Variants in PCDHA10 observed in about 807,000 individuals in gnomAD.
PCDHA10 encodes the protein protocadherin alpha-10.
Under a neutral mutation model 61.2 loss-of-function variants are expected in PCDHA10, and 45 were observed. The observed-to-expected ratio is 0.74, with a 90% CI of 0.58 to 0.94. The LOEUF (loss-of-function observed/expected upper bound fraction) is 0.94. PCDHA10 is among the 40% of genes least tolerant of loss of function. The probability of loss-of-function intolerance (pLI) is 0.00; values close to 1 mark genes in which losing one functional copy is unlikely to be tolerated. For missense variants in PCDHA10, 1,278 were observed against 1,236.2 expected, an observed-to-expected ratio of 1.03 and a Z score of -0.51; for synonymous variants, 602 against 548.8, an observed-to-expected ratio of 1.10 and a Z score of -1.35.
rs1554178111 is a variant in PCDHA10 at position 140,883,417 on chromosome 5, A to G, written c.2388+24981A>G. On this transcript the variant is annotated intron_variant, in intron 1 of 3. Transcript: ENST00000307360. Reference sequence around the variant, plus strand: ...CCGATCGTGACTCTGGCTCAAATGGACAGGTCACCTGCACCTTGACGCCGC... The same window carrying G: ...CCGATCGTGACTCTGGCTCAAATGGGCAGGTCACCTGCACCTTGACGCCGC... 3.1e-6 allele frequency: 5 copies of G among 1,614,146 alleles called. No homozygotes were observed. The South Asian group carries it at 5.5e-5, about 18-fold the overall frequency.
At chr5:140,983,461 A>G (rs1291305158) in intron 3 of PCDHA10, among the ~76,000 whole-genome samples, 1 of 152,238 alleles carries the variant, frequency 6.6e-6, no homozygotes, top group Non-Finnish European at 1.5e-5. Flanking sequence ...TTAATAGAAC[A>G]TCATGATGAT....
At position 140,944,693 on chromosome 5, in the gene PCDHA10, G is replaced by A. The variant is rs191002677; in HGVS notation, c.2389-34256G>A. 1.7e-3 allele frequency among the ~76,000 whole-genome samples: 252 copies of A among 152,248 alleles called. No homozygotes were observed. In the Middle Eastern group the frequency reaches 0.017, roughly 10 times the overall value. On this transcript the variant is annotated intron_variant, in intron 1 of 3. Coordinates refer to ENST00000307360, the MANE Select transcript of PCDHA10 (RefSeq NM_018901.4). ...TATTCTGTGTATCCTATTAATAACA[G>A]TAATTATCAGGTTATTTTGCCTTTG...
intron 1 of PCDHA10, among the ~76,000 whole-genome samples, chr5:140,897,200 T>C (rs1462263623): frequency 1.3e-5 from 2 of 152,172 alleles, no homozygotes; most frequent in African/African-American, 4.8e-5. Context: ...TTTTTTATTA[T>C]ACTTTAAGTT....
At chr5:140,962,191 T>C (rs2095664022) in intron 1 of PCDHA10, among the ~76,000 whole-genome samples, 1 of 152,210 alleles carries the variant, frequency 6.6e-6, no homozygotes, top group African/African-American at 2.4e-5. Flanking sequence ...ATCACTTTTA[T>C]GCTTCCTATC....
intron 1 of PCDHA10, among the ~76,000 whole-genome samples, chr5:140,909,322 T>A (rs1554193738): frequency 6.6e-6 from 1 of 152,236 alleles, no homozygotes. Context: ...ATTTGCCAAA[T>A]CAATGGTTGC....
At position 140,858,057 on chromosome 5, in the gene PCDHA10, A is replaced by G. The variant is rs781982906; in HGVS notation, c.2009A>G (p.Glu670Gly). Residue 670 changes from glutamate to glycine, a missense_variant, in exon 1 of 4, where the codon GAG becomes GGG. Coordinates refer to ENST00000307360, the MANE Select transcript of PCDHA10 (RefSeq NM_018901.4). ...ATATVLVSLV[E>G]GSQAPKASSR... ...GCCACTGTGCTTGTGTCGCTTGTGG[A>G]GGGCAGCCAGGCACCCAAGGCCTCG... 1.9e-6 allele frequency: 3 copies of G among 1,597,162 alleles called. No homozygotes were observed. In the South Asian group the frequency reaches 3.3e-5, roughly 18 times the overall value.
chr5:140,883,004 G>A (rs1554176457), intron 1 of PCDHA10: 1 of 1,614,118 alleles, frequency 6.2e-7, no homozygotes, highest in East Asian at 2.2e-5. Flanking sequence ...TTACCAATCC[G>A]TTTATAAAGT....
Position 140,883,541 on chromosome 5 carries a change from G to T in PCDHA10, c.2388+25105G>T, listed in dbSNP as rs781952906. On this transcript the variant is annotated intron_variant, in intron 1 of 3. Coordinates refer to ENST00000307360, the MANE Select transcript of PCDHA10 (RefSeq NM_018901.4). Reference sequence around the variant, plus strand: ...GAGCGTATCAGCCTATGAACTGGTGGTGACCGCGCGGGACGGGGGCTCGCC... The same window carrying T: ...GAGCGTATCAGCCTATGAACTGGTGTTGACCGCGCGGGACGGGGGCTCGCC... 4.3e-6 allele frequency: 7 copies of T among 1,614,116 alleles called. No individual in the cohort carries two copies. In the East Asian group the frequency reaches 1.1e-4, roughly 26 times the overall value.
In PCDHA10 at chr5:140,886,016, A is replaced by G. The variant is rs192748955; in HGVS notation, c.2388+27580A>G. Among the ~76,000 whole-genome samples the G allele has an allele frequency of 3.1e-3, 468 of 152,290 alleles. 3 individuals are homozygous for G. Among genetic ancestry groups the G allele is most frequent in the Middle Eastern group, 0.014 (4 of 294 alleles). On this transcript the variant is annotated intron_variant, in intron 1 of 3. Transcript: ENST00000307360. ...GAAAGAAATAGTAAAGGGAGATGCTATGTATTCTTCACTAAGTTTTCCCCA... is the reference window on the plus strand; with the variant it reads ...GAAAGAAATAGTAAAGGGAGATGCTGTGTATTCTTCACTAAGTTTTCCCCA...
rs80155737 is a variant in PCDHA10, at chr5:140,924,458, T to C, written c.2389-54491T>C. Among the ~76,000 whole-genome samples, 1,228 of 152,310 alleles carry C rather than the reference T, an allele frequency of 8.1e-3. 6 individuals are homozygous for C. Among genetic ancestry groups the C allele is most frequent in the African/African-American group, 0.019 (794 of 41,566 alleles). On this transcript the variant is annotated intron_variant, in intron 1 of 3. Coordinates refer to ENST00000307360, the MANE Select transcript of PCDHA10 (RefSeq NM_018901.4). The stretch of plus-strand genomic sequence containing the variant: ...GAGATAACGAATGGGTTTGTGTGTT[T>C]AGGGAGGTAACTGGTTTTTAGTGGA...
At chr5:140,915,626 G>GTC (rs57920489) in intron 1 of PCDHA10, among the ~76,000 whole-genome samples, 4,335 of 146,228 alleles carry the variant, frequency 0.03, 91 homozygotes, top group African/African-American at 0.067. Flanking sequence ...GTCTCTTTCT[G>GTC]TCTCTCTCTC....
chr5:140,967,503 G>C (rs369053625), intron 1 of PCDHA10: 1 of 1,612,938 alleles, frequency 6.2e-7, no homozygotes, highest in Non-Finnish European at 8.5e-7. Context: ...ATCTCTGTGC[G>C]TGTCCTGGAC....
rs116743674 is a variant in PCDHA10, at chr5:140,927,144, A to G, written c.2389-51805A>G. On this transcript the variant is annotated intron_variant, in intron 1 of 3. Transcript: ENST00000307360. ...TGGTCAGAGAGCCGGCGGACCGCGA[A>G]CAGCTGTGCAGGGCCAAAGCTGCCT... 3.2e-3 allele frequency: 5,191 copies of G among 1,614,096 alleles called. 26 individuals are homozygous for G. The highest frequency in any genetic ancestry group is 0.019 in the African/African-American group (1,449 of 75,034).
chr5:140,989,633 A>AGG (rs2097351730), intron 3 of PCDHA10, among the ~76,000 whole-genome samples: 1 of 152,226 alleles, frequency 6.6e-6, no homozygotes. Flanking sequence ...AGTGACAGCA[A>AGG]GGGTCTTTCA....
chr5:140,925,455 T>TTG, intron 1 of PCDHA10, among the ~76,000 whole-genome samples: 1 of 152,222 alleles, frequency 6.6e-6, no homozygotes, highest in East Asian at 1.9e-4. Flanking sequence ...GGTGTATCTG[T>TTG]TGTGGCTCAG....
intron 3 of PCDHA10, among the ~76,000 whole-genome samples, chr5:140,985,739 CT>C (rs11372071): frequency 0.013 from 1,497 of 117,900 alleles, 11 homozygotes; most frequent in African/African-American, 0.038. Flanking sequence ...TGATGAATTC[CT>C]TTTTTTTTTT....
At chr5:140,941,196 TTTCTTC>T (rs1563183935) in intron 1 of PCDHA10, among the ~76,000 whole-genome samples, 3 of 111,280 alleles carry the variant, frequency 2.7e-5, no homozygotes, top group East Asian at 2.3e-4. Context: ...TTTTTTTTTC[TTTCTTC>T]CTTTCTTTCT....
chr5:141,008,438 A>G (rs1214725080), intron 3 of PCDHA10, among the ~76,000 whole-genome samples: 1 of 152,204 alleles, frequency 6.6e-6, no homozygotes, highest in Admixed American at 6.5e-5. Flanking sequence ...TTGCCCAGAC[A>G]GACCATTACC....
chr5:140,863,403 C>A (rs1554158174), intron 1 of PCDHA10: 1 of 835,368 alleles, frequency 1.2e-6, no homozygotes, highest in South Asian at 1.3e-5. Flanking sequence ...CGGGCAAGCC[C>A]ACGCTGGTGT....
Sources: gnomAD v4.1 joint callset for allele counts (sites outside exome capture counted in the v4.1 genomes callset) on GRCh38, gnomAD v4.1.1 for gene constraint, MANE v1.5 for transcripts, NCBI Gene and HGNC (gene_info 2026-07-23, HGNC 2026-07-21) for gene names.